The following PAK2 variants were observed in gnomAD, a reference collection of about 807,000 sequenced individuals.
PAK2 encodes p21 (RAC1) activated kinase 2.
A neutral mutation model predicts 65.9 loss-of-function variants in PAK2; 21 were observed. The observed-to-expected ratio is 0.32, with a 90% CI of 0.23 to 0.46. The LOEUF (loss-of-function observed/expected upper bound fraction) is 0.46. Among genes scored for constraint, PAK2 ranks in the 20% least tolerant of loss-of-function variants. PAK2 has a pLI of 1.00. For synonymous variants in PAK2, 204 were observed against 219.7 expected (o/e 0.93, Z 0.63); for missense variants, 324 against 642.6 (o/e 0.50, Z 5.36).
At chr3:196,796,667 T>C (rs1715269046) in intron 2 of PAK2, among the ~76,000 whole-genome samples, 1 of 152,110 alleles carries the variant, frequency 6.6e-6, no homozygotes, top group Non-Finnish European at 1.5e-5. Context: ...GCAGAAAAGA[T>C]TGATAAAAAC....
intron 1 of PAK2, among the ~76,000 whole-genome samples, chr3:196,748,667 C>T (rs991498810): frequency 5.9e-5 from 9 of 152,164 alleles, no homozygotes; most frequent in Admixed American, 2.6e-4. Context: ...TAGCTCATTT[C>T]ATTTTAGCAC....
intron 1 of PAK2, among the ~76,000 whole-genome samples, chr3:196,770,696 C>T (rs1230967674): frequency 6.7e-6 from 1 of 150,358 alleles, no homozygotes; most frequent in African/African-American, 2.4e-5. Context: ...CATCTCGGCT[C>T]ACTGTAATCT....
At chr3:196,808,012 A>C (rs1386346802) in intron 7 of PAK2, 98 bp downstream of exon 7, 1 of 1,158,894 alleles carries the variant, frequency 8.6e-7, no homozygotes, top group Non-Finnish European at 1.2e-6. Context: ...TTGTGACTTA[A>C]AGTATAAAGA....
intron 2 of PAK2, among the ~76,000 whole-genome samples, chr3:196,797,078 A>G (rs1307602108): frequency 1.3e-5 from 2 of 152,218 alleles, no homozygotes; most frequent in Admixed American, 6.5e-5. Flanking sequence ...CTATCAGCCA[A>G]CTTGACCTAA....
intron 11 of PAK2, among the ~76,000 whole-genome samples, chr3:196,815,978 A>G (rs1438870983): frequency 2.0e-5 from 3 of 152,168 alleles, no homozygotes; most frequent in African/African-American, 7.2e-5. Flanking sequence ...AGCTTAAACC[A>G]GTAGAATTCT....
In PAK2 at chr3:196,831,414, G is replaced by A. The variant is rs1404744491; in HGVS notation, c.*3009G>A. On this transcript the variant is annotated 3_prime_UTR_variant, in exon 15 of 15. Coordinates refer to ENST00000327134, the MANE Select transcript of PAK2 (RefSeq NM_002577.4). ...TAAAACTGGGAAACTATGAAACATG[G>A]AACATTTTATCCTACCTGAAAGTAA... 2 of 152,002 alleles carry A rather than the reference G, an allele frequency of 1.3e-5. No individual in the cohort carries two copies. The highest frequency in any genetic ancestry group is 4.8e-5 in the African/African-American group (2 of 41,388). The allele number at this position is 152,002 out of a possible 1,614,324, so 9.4% of individuals were successfully genotyped here.
intron 1 of PAK2, among the ~76,000 whole-genome samples, chr3:196,751,663 T>TTTTATATATATA (rs1491521540): frequency 4.2e-4 from 19 of 45,724 alleles, no homozygotes; most frequent in African/African-American, 1.8e-3. Flanking sequence ...ACACACAAAT[T>TTTTATATATATA]TATTTATATA....
At chr3:196,827,361 G>T in intron 14 of PAK2, 28 bp downstream of exon 14, 1 of 1,588,156 alleles carries the variant, frequency 6.3e-7, no homozygotes, top group South Asian at 1.2e-5. Flanking sequence ...TTCATTTGGG[G>T]GAATAGTTGA....
chr3:196,811,217 C>T (rs13091991), intron 8 of PAK2, among the ~76,000 whole-genome samples: 458 of 4,964 alleles, frequency 0.092, 42 homozygotes, highest in East Asian at 0.5. Context: ...CTTCCCTTCC[C>T]TCCCTCCCTT....
intron 11 of PAK2, among the ~76,000 whole-genome samples, chr3:196,815,318 C>T (rs1244585718): frequency 6.6e-6 from 1 of 151,266 alleles, no homozygotes; most frequent in Non-Finnish European, 1.5e-5. Flanking sequence ...ATGGCAAAAC[C>T]CCATCTCTAC....
intron 2 of PAK2, among the ~76,000 whole-genome samples, chr3:196,792,291 C>G (rs1355318016): frequency 6.6e-6 from 1 of 152,170 alleles, no homozygotes; most frequent in African/African-American, 2.4e-5. Context: ...TAAATAATTT[C>G]TCCTGTATGT....
chr3:196,804,721 G>A lies in PAK2; in HGVS notation c.437-631G>A, dbSNP rs557650536. On this transcript the variant is annotated intron_variant, in intron 4 of 14. Coordinates refer to ENST00000327134, the MANE Select transcript of PAK2 (RefSeq NM_002577.4). ...ACCTCAGGTGATCTGCCTGTCTCTC[G>A]GCCTCCCAAAGTGCTAGGATTACAG... is the stretch of plus-strand genomic sequence containing the variant. 9.3e-4 allele frequency among the ~76,000 whole-genome samples: 141 copies of A among 151,780 alleles called. 1 individual carries two copies. The highest frequency in any genetic ancestry group is 3.1e-3 in the African/African-American group (127 of 41,388).
chr3:196,828,222 C>A, intron 14 of PAK2, 97 bp from the exon 15 acceptor site: 2 of 703,936 alleles, frequency 2.8e-6, no homozygotes, highest in Non-Finnish European at 5.1e-6. Context: ...AAATTATGAT[C>A]GACAAGTAGT....
intron 4 of PAK2, 132 bp downstream of exon 4, chr3:196,803,296 A>G (rs970822924): frequency 8.6e-6 from 6 of 700,058 alleles, no homozygotes; most frequent in African/African-American, 3.7e-5. Flanking sequence ...GATAGATTCT[A>G]CCTTTTGTAG....
At chr3:196,764,872 T>A (rs1714107021) in intron 1 of PAK2, among the ~76,000 whole-genome samples, 1 of 145,486 alleles carries the variant, frequency 6.9e-6, no homozygotes, top group Non-Finnish European at 1.5e-5. Flanking sequence ...AGACGGAGTC[T>A]TGCTCTATTG....
At chr3:196,819,685 C>T (rs1440248515) in intron 12 of PAK2, among the ~76,000 whole-genome samples, 1 of 152,128 alleles carries the variant, frequency 6.6e-6, no homozygotes, top group Non-Finnish European at 1.5e-5. Context: ...ATTCTAAATA[C>T]TAATCCTGAC....
intron 5 of PAK2, 117 bp from the exon 6 acceptor site, chr3:196,806,462 G>A: frequency 3.1e-6 from 2 of 642,802 alleles, no homozygotes; most frequent in East Asian, 2.7e-5. Context: ...ATGAGATTTA[G>A]TGGTTTTGAA....
intron 1 of PAK2, among the ~76,000 whole-genome samples, chr3:196,753,616 A>G (rs148696903): frequency 1.3e-5 from 2 of 152,358 alleles, no homozygotes; most frequent in African/African-American, 4.8e-5. Context: ...TTAGTCATGT[A>G]TACCATCTAG....
intron 1 of PAK2, among the ~76,000 whole-genome samples, chr3:196,760,932 C>G (rs1713938797): frequency 6.6e-6 from 1 of 152,032 alleles, no homozygotes; most frequent in Non-Finnish European, 1.5e-5. Flanking sequence ...AGTTTATAAT[C>G]TTGTAGAAAA....
Sources: gnomAD v4.1 joint callset for allele counts (sites outside exome capture counted in the v4.1 genomes callset) on GRCh38, gnomAD v4.1.1 for gene constraint, MANE v1.5 for transcripts, NCBI Gene and HGNC (gene_info 2026-07-23, HGNC 2026-07-21) for gene names.